Variants in CTNNA3 observed in about 807,000 individuals in gnomAD.
The protein encoded by CTNNA3 is catenin alpha-3.
A neutral mutation model predicts 95.7 loss-of-function variants in CTNNA3; 76 were observed. The observed-to-expected ratio is 0.79, with a 90% confidence interval of 0.66 to 0.96. The LOEUF is 0.96. CTNNA3 is among the 40% of genes least tolerant of loss of function. CTNNA3 has a pLI of 0.00. For synonymous variants in CTNNA3, 431 were observed against 374.4 expected (o/e 1.15, Z -1.74); for missense variants, 1,191 against 1,089.8 (o/e 1.09, Z -1.31).
chr10:66,513,168 C>T (rs1372878185), intron 11 of CTNNA3, among the ~76,000 whole-genome samples: 10 of 152,058 alleles, frequency 6.6e-5, no homozygotes, highest in Non-Finnish European at 1.2e-4. Context: ...TAGTGATATC[C>T]CATATGTCAT....
intron 7 of CTNNA3, among the ~76,000 whole-genome samples, chr10:66,833,593 C>T (rs1242272647): frequency 6.6e-6 from 1 of 152,128 alleles, no homozygotes; most frequent in Non-Finnish European, 1.5e-5. Context: ...TTGACTTACT[C>T]ACCATCAACA....
At chr10:66,910,396 T>C (rs1846171626) in intron 7 of CTNNA3, among the ~76,000 whole-genome samples, 1 of 152,224 alleles carries the variant, frequency 6.6e-6, no homozygotes, top group South Asian at 2.1e-4. Context: ...ACAATATGAC[T>C]CTACCAACTT....
At chr10:66,046,081 A>G (rs4745884) in intron 15 of CTNNA3, among the ~76,000 whole-genome samples, 119,260 of 151,906 alleles carry the variant, frequency 0.79, 47,148 homozygotes, top group South Asian at 0.91. Flanking sequence ...GGATGATTAC[A>G]ACTAATCAAG....
chr10:67,362,845 T>C (rs1198530612), intron 5 of CTNNA3, among the ~76,000 whole-genome samples: 1 of 151,704 alleles, frequency 6.6e-6, no homozygotes, highest in Non-Finnish European at 1.5e-5. Context: ...TATGATTCTA[T>C]ACTTAGAAAA....
intron 1 of CTNNA3, among the ~76,000 whole-genome samples, chr10:67,695,294 C>T (rs986259839): frequency 1.3e-5 from 2 of 152,166 alleles, no homozygotes; most frequent in African/African-American, 4.8e-5. Context: ...ACCCCAATTT[C>T]TTCTTGTTTC....
At position 67,444,998 on chromosome 10, in the gene CTNNA3, T is replaced by C. The variant is rs143305173; in HGVS notation, c.579+76844A>G. On this transcript the variant is annotated intron_variant, in intron 5 of 17. Coordinates refer to ENST00000433211, the MANE Select transcript of CTNNA3 (RefSeq NM_013266.4). ...AAGAACTAATTACTACAATATAGTTTATGAAGAACAAATAATCAGGAAAAA... is the reference window on the plus strand; with the variant it reads ...AAGAACTAATTACTACAATATAGTTCATGAAGAACAAATAATCAGGAAAAA... Among the ~76,000 whole-genome samples the C allele has an allele frequency of 9.9e-5, 15 of 152,014 alleles. No individual in the cohort carries two copies. In the East Asian group the frequency reaches 2.5e-3, roughly 25 times the overall value.
chr10:66,524,659 C>A (rs2132031599), intron 10 of CTNNA3, among the ~76,000 whole-genome samples: 1 of 152,186 alleles, frequency 6.6e-6, no homozygotes, highest in Middle Eastern at 3.4e-3. Flanking sequence ...AAAATCAGAA[C>A]CAGAGGGGGC....
chr10:67,353,997 C>T (rs781726182), intron 5 of CTNNA3, among the ~76,000 whole-genome samples: 37 of 151,906 alleles, frequency 2.4e-4, no homozygotes, highest in Non-Finnish European at 5.3e-4. Context: ...AAACAGCAGC[C>T]CACTCCGCCT....
chr10:67,641,087 A>C (rs1375554027), intron 2 of CTNNA3, among the ~76,000 whole-genome samples: 1 of 152,236 alleles, frequency 6.6e-6, no homozygotes, highest in Non-Finnish European at 1.5e-5. Flanking sequence ...AATGGGAGAA[A>C]ATTTTTGCAA....
chr10:66,763,790 C>A (rs1839721415), intron 9 of CTNNA3, among the ~76,000 whole-genome samples: 1 of 152,160 alleles, frequency 6.6e-6, no homozygotes, highest in Admixed American at 6.6e-5. Context: ...CATGAAGAAG[C>A]CATGTATTGA....
At chr10:66,228,903 T>C (rs1324805155) in intron 13 of CTNNA3, among the ~76,000 whole-genome samples, 1 of 152,196 alleles carries the variant, frequency 6.6e-6, no homozygotes, top group Non-Finnish European at 1.5e-5. Context: ...CTTTGTCTCT[T>C]TTAATGTTTT....
chr10:67,304,965 T>C (rs1840477228), intron 5 of CTNNA3, among the ~76,000 whole-genome samples: 1 of 151,638 alleles, frequency 6.6e-6, no homozygotes, highest in Non-Finnish European at 1.5e-5. Context: ...TATAAAAAGG[T>C]ATAAAGGCAT....
chr10:67,563,794 A>G (rs2133267481), intron 3 of CTNNA3, among the ~76,000 whole-genome samples: 1 of 151,766 alleles, frequency 6.6e-6, no homozygotes, highest in South Asian at 2.1e-4. Flanking sequence ...ACAAATTTAC[A>G]AGAAAAAATC....
chr10:66,485,697 C>T (rs1312727194), intron 11 of CTNNA3, among the ~76,000 whole-genome samples: 1 of 152,084 alleles, frequency 6.6e-6, no homozygotes, highest in African/African-American at 2.4e-5. Flanking sequence ...CATGCAATTT[C>T]TATACAAATT....
chr10:66,878,719 G>A (rs1844725680), intron 7 of CTNNA3, among the ~76,000 whole-genome samples: 1 of 152,000 alleles, frequency 6.6e-6, no homozygotes, highest in Admixed American at 6.6e-5. Flanking sequence ...TCACCACAGG[G>A]AACAGGTCCA....
chr10:66,069,160 G>T, intron 15 of CTNNA3, 148 bp downstream of exon 15: 4 of 705,000 alleles, frequency 5.7e-6, no homozygotes, highest in Non-Finnish European at 7.2e-6. Context: ...CTCTAGAATT[G>T]TACACCTACA....
chr10:66,959,987 G>C (rs1413512243), intron 7 of CTNNA3, among the ~76,000 whole-genome samples: 1 of 152,076 alleles, frequency 6.6e-6, no homozygotes, highest in Non-Finnish European at 1.5e-5. Flanking sequence ...AGGCTAGTCT[G>C]TACTGAGTTT....
intron 7 of CTNNA3, among the ~76,000 whole-genome samples, chr10:66,885,533 T>C (rs898506801): frequency 5.3e-5 from 8 of 152,112 alleles, no homozygotes; most frequent in Non-Finnish European, 1.0e-4. Flanking sequence ...GAATTCCATA[T>C]ACCATGCTCT....
At chr10:66,845,703 CAAAA>C (rs61085873) in intron 7 of CTNNA3, among the ~76,000 whole-genome samples, 64 of 23,538 alleles carry the variant, frequency 2.7e-3, no homozygotes, top group African/African-American at 6.2e-3. Context: ...AACTCTGTCT[CAAAA>C]AAAAAAAAAA....
Sources: gnomAD v4.1 joint callset for allele counts (sites outside exome capture counted in the v4.1 genomes callset) on GRCh38, gnomAD v4.1.1 for gene constraint, MANE v1.5 for transcripts, NCBI Gene and HGNC (gene_info 2026-07-23, HGNC 2026-07-21) for gene names.